The following TAFA1 variants were observed in gnomAD, a reference collection of about 807,000 sequenced individuals.
TAFA1 encodes chemokine-like protein TAFA-1.
Under a neutral mutation model 18.5 loss-of-function variants are expected in TAFA1, and 4 were observed. The ratio of observed to expected loss-of-function variants is 0.22; its 90% CI spans 0.11 to 0.49. TAFA1 has a LOEUF of 0.49. Ranked by LOEUF, TAFA1 falls within the 20% of genes least tolerant of loss-of-function variation. The pLI is 0.98. For synonymous variants in TAFA1, 56 were observed against 55.2 expected, an observed-to-expected ratio of 1.01 and a Z score of -0.06; for missense variants, 147 against 169.0, an observed-to-expected ratio of 0.87 and a Z score of 0.72.
chr3:68,324,955 T>C (rs1394896645), intron 2 of TAFA1, among the ~76,000 whole-genome samples: 5 of 152,142 alleles, frequency 3.3e-5, no homozygotes, highest in South Asian at 2.1e-4. Context: ...TTGCCAGTCT[T>C]CATCACAGTC....
intron 2 of TAFA1, among the ~76,000 whole-genome samples, chr3:68,144,835 C>G (rs2065717028): frequency 6.6e-6 from 1 of 152,138 alleles, no homozygotes; most frequent in East Asian, 1.9e-4. Flanking sequence ...ACTCCATGCT[C>G]TTTGACTTTT....
At chr3:68,106,584 G>A (rs1478825279) in intron 2 of TAFA1, among the ~76,000 whole-genome samples, 1 of 151,764 alleles carries the variant, frequency 6.6e-6, no homozygotes, top group Non-Finnish European at 1.5e-5. Flanking sequence ...AAAGATGAAA[G>A]GTAAATTAAG....
At chr3:68,384,887 T>C (rs11917653) in intron 2 of TAFA1, among the ~76,000 whole-genome samples, 2,707 of 152,228 alleles carry the variant, frequency 0.018, 86 homozygotes, top group African/African-American at 0.061. Flanking sequence ...ACTTAGGTCT[T>C]GTTGAATTCA....
chr3:68,124,805 T>C (rs372232981), intron 2 of TAFA1, among the ~76,000 whole-genome samples: 3 of 152,210 alleles, frequency 2.0e-5, no homozygotes, highest in East Asian at 3.9e-4. Context: ...TGAAATCTGC[T>C]CATTCACTAC....
chr3:68,433,225 C>A (rs2071211771), intron 3 of TAFA1, among the ~76,000 whole-genome samples: 1 of 152,022 alleles, frequency 6.6e-6, no homozygotes, highest in African/African-American at 2.4e-5. Context: ...CCTTTCTTCA[C>A]TTCCTCATGG....
At chr3:68,341,732 G>C (rs180765408) in intron 2 of TAFA1, among the ~76,000 whole-genome samples, 17 of 152,268 alleles carry the variant, frequency 1.1e-4, no homozygotes, top group African/African-American at 4.1e-4. Context: ...GAGTTTGTTA[G>C]GTCTGATCTC....
intron 2 of TAFA1, among the ~76,000 whole-genome samples, chr3:68,133,260 G>A (rs2106885962): frequency 6.6e-6 from 1 of 152,232 alleles, no homozygotes; most frequent in South Asian, 2.1e-4. Context: ...TGCTGTTTTG[G>A]TTACTGTAAC....
chr3:68,295,891 T>C (rs916421747), intron 2 of TAFA1, among the ~76,000 whole-genome samples: 8 of 152,178 alleles, frequency 5.3e-5, no homozygotes, highest in Admixed American at 3.3e-4. Flanking sequence ...ATTATAAGCA[T>C]GAGCCTTCTG....
chr3:68,122,995 A>G (rs2065419696), intron 2 of TAFA1, among the ~76,000 whole-genome samples: 1 of 143,246 alleles, frequency 7.0e-6, no homozygotes, highest in Non-Finnish European at 1.6e-5. Context: ...AGTAAAGAAA[A>G]AAAAAACCCT....
chr3:68,113,301 G>A (rs1265854616), intron 2 of TAFA1, among the ~76,000 whole-genome samples: 1 of 152,212 alleles, frequency 6.6e-6, no homozygotes, highest in Non-Finnish European at 1.5e-5. Context: ...AGGTGGTGCT[G>A]CAGAGAAGTA....
At chr3:68,426,984 A>G (rs1312004022) in intron 3 of TAFA1, among the ~76,000 whole-genome samples, 1 of 151,902 alleles carries the variant, frequency 6.6e-6, no homozygotes, top group African/African-American at 2.4e-5. Context: ...TGTAAAGCCC[A>G]TCTATATAGC....
intron 2 of TAFA1, among the ~76,000 whole-genome samples, chr3:68,180,012 T>TTTA (rs35696872): frequency 0.04 from 5,614 of 140,264 alleles, 152 homozygotes; most frequent in African/African-American, 0.07. Flanking sequence ...AACACATAAT[T>TTTA]TTATTATTAT....
chr3:68,264,562 C>T (rs1559587564), intron 2 of TAFA1, among the ~76,000 whole-genome samples: 2 of 152,078 alleles, frequency 1.3e-5, no homozygotes, highest in South Asian at 2.1e-4. Context: ...GAACACAATA[C>T]ATTCTGAGAA....
At chr3:68,035,803 T>G (rs1705034767) in intron 2 of TAFA1, among the ~76,000 whole-genome samples, 1 of 152,100 alleles carries the variant, frequency 6.6e-6, no homozygotes, top group Non-Finnish European at 1.5e-5. Context: ...GTTGGATAGA[T>G]AAACAAACTG....
intron 2 of TAFA1, among the ~76,000 whole-genome samples, chr3:68,337,630 C>T (rs548044786): frequency 3.3e-5 from 5 of 152,272 alleles, no homozygotes; most frequent in Non-Finnish European, 5.9e-5. Context: ...GCAAAAGCTT[C>T]CTGTGTCCCT....
chr3:68,483,924 G>A (rs897947119), intron 3 of TAFA1, among the ~76,000 whole-genome samples: 10 of 152,166 alleles, frequency 6.6e-5, no homozygotes, highest in Admixed American at 3.3e-4. Flanking sequence ...TTTATGCCTT[G>A]GGAAGCCACG....
At chr3:68,223,457 T>A (rs1316679580) in intron 2 of TAFA1, among the ~76,000 whole-genome samples, 1 of 152,124 alleles carries the variant, frequency 6.6e-6, no homozygotes, top group Non-Finnish European at 1.5e-5. Flanking sequence ...CAATTTCTAA[T>A]TTTTTTCAGA....
At chr3:68,292,796 G>A (rs987689566) in intron 2 of TAFA1, among the ~76,000 whole-genome samples, 4 of 152,000 alleles carry the variant, frequency 2.6e-5, no homozygotes, top group Non-Finnish European at 5.9e-5. Flanking sequence ...TCCTGTCTTG[G>A]CCTCCCAAAA....
At chr3:68,253,448 A>C (rs1348408601) in intron 2 of TAFA1, among the ~76,000 whole-genome samples, 1 of 152,142 alleles carries the variant, frequency 6.6e-6, no homozygotes, top group African/African-American at 2.4e-5. Flanking sequence ...CATTTGTGAA[A>C]CCATCACTGG....
Sources: allele counts gnomAD v4.1 joint callset (sites outside exome capture counted in the v4.1 genomes callset), GRCh38; gene constraint gnomAD v4.1.1; transcripts MANE v1.5; gene names NCBI Gene and HGNC (gene_info 2026-07-23, HGNC 2026-07-21).